Variants in MAST4 observed in about 807,000 individuals in gnomAD.
The protein encoded by MAST4 is microtubule associated serine/threonine kinase family member 4.
Under a neutral mutation model 162.7 loss-of-function variants are expected in MAST4, and 89 were observed. That is an observed-to-expected ratio of 0.55 (90% CI 0.46 to 0.65). The LOEUF (loss-of-function observed/expected upper bound fraction) is 0.65, where lower values mean the gene tolerates loss of function less well. MAST4 is among the 30% of genes least tolerant of loss of function. The pLI is 0.00. For synonymous variants in MAST4, 1,479 were observed against 1,361.1 expected, an observed-to-expected ratio of 1.09 and a Z score of -1.91; for missense variants, 3,153 against 3,374.0, an observed-to-expected ratio of 0.93 and a Z score of 1.62.
chr5:66,780,986 G>A (rs1754845927), intron 2 of MAST4, among the ~76,000 whole-genome samples: 1 of 152,198 alleles, frequency 6.6e-6, no homozygotes, highest in South Asian at 2.1e-4. Flanking sequence ...TTTTGTGACT[G>A]GTTTATTTCT....
chr5:66,837,024 ATG>A (rs56366963), intron 3 of MAST4, among the ~76,000 whole-genome samples: 1 of 150,212 alleles, frequency 6.7e-6, no homozygotes, highest in Non-Finnish European at 1.5e-5. Context: ...ATGCAGGATC[ATG>A]TGTGTGTGTG....
intron 14 of MAST4, 110 bp from the exon 15 acceptor site, chr5:67,130,100 C>A: frequency 2.1e-6 from 2 of 956,782 alleles, no homozygotes; most frequent in Non-Finnish European, 3.1e-6. Flanking sequence ...CTACATTCCA[C>A]CTGCTGTGAG....
At chr5:67,091,842 C>G (rs1763898004) in intron 6 of MAST4, among the ~76,000 whole-genome samples, 1 of 152,126 alleles carries the variant, frequency 6.6e-6, no homozygotes, top group African/African-American at 2.4e-5. Flanking sequence ...ACAAATAAAC[C>G]ATAAACCGTG....
Position 66,756,909 on chromosome 5 carries a change from T to C in MAST4, c.364-2800T>C, listed in dbSNP as rs1753574213. Among the ~76,000 whole-genome samples the C allele has an allele frequency of 2.0e-5, 3 of 152,162 alleles. No individual in the cohort carries two copies. The South Asian group carries it at 6.2e-4, about 32-fold the overall frequency. ...CAGCCCTCACAGTTCACTGCCTCAG[T>C]TTTCCCAGATTTAAAATAATACTCC... On this transcript the variant is annotated intron_variant, in intron 1 of 28. Coordinates refer to ENST00000403625, the MANE Select transcript of MAST4 (RefSeq NM_001164664.2).
intron 5 of MAST4, among the ~76,000 whole-genome samples, chr5:67,068,919 G>A (rs529105977): frequency 1.2e-4 from 19 of 152,048 alleles, no homozygotes; most frequent in African/African-American, 2.9e-4. Flanking sequence ...TGAGAAACAC[G>A]TGGGCTGAGA....
intron 4 of MAST4, chr5:66,916,948 A>G (rs1673035871): frequency 1.4e-6 from 1 of 717,446 alleles, no homozygotes; most frequent in Non-Finnish European, 2.6e-6. Context: ...TTTTTTACCT[A>G]TATCCTTACG....
intron 23 of MAST4, among the ~76,000 whole-genome samples, chr5:67,147,957 T>C (rs1008742082): frequency 6.6e-6 from 1 of 152,246 alleles, no homozygotes; most frequent in African/African-American, 2.4e-5. Context: ...CTAAAGCTGC[T>C]GTCCAAGTTC....
intron 6 of MAST4, among the ~76,000 whole-genome samples, chr5:67,092,571 A>C (rs2545387): frequency 0.27 from 41,385 of 152,032 alleles, 5,925 homozygotes; most frequent in African/African-American, 0.36. Context: ...CCCTGGCGGT[A>C]AAATGGAGGT....
At chr5:66,995,518 T>G (rs1750526986) in intron 4 of MAST4, among the ~76,000 whole-genome samples, 1 of 152,140 alleles carries the variant, frequency 6.6e-6, no homozygotes, top group Admixed American at 6.5e-5. Flanking sequence ...TTCTCCTGCC[T>G]CAGCCTTCCA....
At chr5:67,109,988 T>C in intron 10 of MAST4, 110 bp from the exon 11 acceptor site, 1 of 730,980 alleles carries the variant, frequency 1.4e-6, no homozygotes, top group Non-Finnish European at 2.4e-6. Flanking sequence ...TTTTCTAAAT[T>C]ACTCGATTTT....
At chr5:66,851,021 G>A (rs1168149101) in intron 3 of MAST4, among the ~76,000 whole-genome samples, 1 of 149,962 alleles carries the variant, frequency 6.7e-6, no homozygotes, top group East Asian at 2.0e-4. Context: ...AGTAGAGGCT[G>A]CTTAGGCAGT....
intron 24 of MAST4, among the ~76,000 whole-genome samples, chr5:67,152,115 C>G (rs1337918718): frequency 6.6e-6 from 1 of 152,132 alleles, no homozygotes; most frequent in East Asian, 1.9e-4. Context: ...TTGTAGAAAT[C>G]AGCTGGTAAA....
chr5:67,102,493 C>T, intron 8 of MAST4, 43 bp from the exon 9 acceptor site: 2 of 1,552,336 alleles, frequency 1.3e-6, no homozygotes, highest in Non-Finnish European at 1.8e-6. Context: ...ATTTTCATTT[C>T]ATGCTGTGGC....
intron 4 of MAST4, among the ~76,000 whole-genome samples, chr5:66,914,958 C>T (rs1363471959): frequency 6.6e-6 from 1 of 151,924 alleles, no homozygotes; most frequent in African/African-American, 2.4e-5. Flanking sequence ...ATCTAGAGAT[C>T]GAGAATCAGA....
chr5:67,166,179 C>T lies in MAST4; in HGVS notation c.7000C>T (p.Pro2334Ser). 1 of 1,555,344 alleles carries T rather than the reference C, an allele frequency of 6.4e-7. No individual in the cohort carries two copies. Among genetic ancestry groups the T allele is most frequent in the Non-Finnish European group, 8.7e-7 (1 of 1,148,988 alleles). ...GEKQTLSPKH[P>S]KPSTVKDCPT... ...AAAGCAAACCCTGTCTCCAAAGCAC[C>T]CCAAACCATCCACTGTGAAAGATTG... is the stretch of plus-strand genomic sequence containing the variant. Residue 2334 changes from proline to serine, a missense_variant, in exon 29 of 29, where the codon CCC (proline) becomes TCC (serine). Transcript: ENST00000403625.
chr5:66,791,177 C>T (rs954999099), intron 3 of MAST4, among the ~76,000 whole-genome samples: 2 of 152,198 alleles, frequency 1.3e-5, no homozygotes, highest in Non-Finnish European at 2.9e-5. Context: ...GAGTACACCA[C>T]CACGCCTGAC....
chr5:66,632,376 T>A (rs1344888954), intron 1 of MAST4, among the ~76,000 whole-genome samples: 1 of 152,098 alleles, frequency 6.6e-6, no homozygotes, highest in African/African-American at 2.4e-5. Flanking sequence ...TTAATAGAAA[T>A]TGAGTAGGGG....
At chr5:66,709,182 C>T (rs878917292) in intron 1 of MAST4, among the ~76,000 whole-genome samples, 8 of 151,956 alleles carry the variant, frequency 5.3e-5, no homozygotes, top group South Asian at 4.2e-4. Context: ...AAGAATATTG[C>T]GGATACCACC....
intron 4 of MAST4, among the ~76,000 whole-genome samples, chr5:67,027,140 C>T (rs1227536462): frequency 2.0e-5 from 3 of 152,010 alleles, no homozygotes; most frequent in African/African-American, 4.8e-5. Context: ...TGATACAATT[C>T]AGAGAATTAG....
Sources: gnomAD v4.1 joint callset for allele counts (sites outside exome capture counted in the v4.1 genomes callset) on GRCh38, gnomAD v4.1.1 for gene constraint, MANE v1.5 for transcripts, NCBI Gene and HGNC (gene_info 2026-07-23, HGNC 2026-07-21) for gene names.